Variants in ADI1 observed in about 807,000 individuals in gnomAD.
ADI1 encodes the protein acireductone dioxygenase.
A neutral mutation model predicts 18.7 loss-of-function variants in ADI1; 21 were observed. The observed-to-expected ratio is 1.13, with a 90% CI of 0.80 to 1.62. The LOEUF (loss-of-function observed/expected upper bound fraction) is 1.62. Among genes scored for constraint, ADI1 ranks in the 40% most tolerant of loss-of-function variants. The probability of loss-of-function intolerance (pLI) is 0.00; values close to 1 mark genes in which losing one functional copy is unlikely to be tolerated. For missense variants in ADI1, 245 were observed against 254.9 expected (o/e 0.96, Z 0.26); for synonymous variants, 90 against 100.1 (o/e 0.90, Z 0.60).
chr2:3,504,995 T>G (rs528417461), intron 2 of ADI1, among the ~76,000 whole-genome samples: 60 of 152,182 alleles, frequency 3.9e-4, no homozygotes, highest in African/African-American at 1.4e-3. Context: ...TGTTCACCTG[T>G]GTATGTTTGT....
At chr2:3,503,947 C>T (rs1450008907) in intron 2 of ADI1, among the ~76,000 whole-genome samples, 1 of 152,152 alleles carries the variant, frequency 6.6e-6, no homozygotes. Context: ...AACCAACCCC[C>T]GGGTGAGCGC....
rs12714381 is a variant in ADI1 at position 3,503,424 on chromosome 2, C to T, written c.241-2431G>A. ...TCACACACATGCACACGTACACACA[C>T]GAGTGCATTCACACTCATGCACACA... On this transcript the variant is annotated intron_variant, in intron 2 of 3. Coordinates refer to ENST00000327435, the MANE Select transcript of ADI1 (RefSeq NM_018269.4). Among the ~76,000 whole-genome samples the T allele has an allele frequency of 0.014, 658 of 46,862 alleles. 297 individuals are homozygous for T. The African/African-American group carries it at 0.26, about 18-fold the overall frequency. The allele number at this position is 46,862 out of a possible 152,430, so 30.7% of individuals were successfully genotyped here.
rs1205837813 is a variant in ADI1 at position 3,498,335 on chromosome 2, A to G, written c.*628T>C. On this transcript the variant is annotated 3_prime_UTR_variant, in exon 4 of 4. Transcript: ENST00000327435. ...CACTGAAAAAATACTAACACAGCTC[A>G]TATATAAATTACTTATCTATAAGAA... The G allele has an allele frequency of 6.6e-6, 1 of 152,262 alleles. No individual in the cohort carries two copies. The highest frequency in any genetic ancestry group is 1.5e-5 in the Non-Finnish European group (1 of 68,056). 9.4% of individuals were successfully genotyped at this position (152,262 alleles called of 1,614,324 possible). A position where few individuals can be genotyped will look rare whatever the true frequency, so the allele number is the denominator to read the frequency against.
chr2:3,519,274 A>G lies in ADI1; in HGVS notation c.120+94T>C, dbSNP rs544257618. 182 of 1,306,256 alleles carry G rather than the reference A, an allele frequency of 1.4e-4. 1 individual carries two copies. The East Asian group carries it at 5.4e-3, about 39-fold the overall frequency. The allele number at this position is 1,306,256 out of a possible 1,614,324, so 80.9% of individuals were successfully genotyped here. On this transcript the variant is annotated intron_variant, in intron 1 of 3. Coordinates refer to ENST00000327435, the MANE Select transcript of ADI1 (RefSeq NM_018269.4). ...GCATGCGCAGCATGCCGCGGCTCCC[A>G]GGCCGCTGCCCGGCACCTGGAGGAG...
rs1054239829 is a variant in ADI1 at position 3,514,891 on chromosome 2, T to C, written c.121-915A>G. The stretch of plus-strand genomic sequence containing the variant: ...GAGCCATGGCAGAGGAACATAAGTT[T>C]TGAAGATTTCACGGACATCTATCAG... On this transcript the variant is annotated intron_variant, in intron 1 of 3. Transcript: ENST00000327435. 8 of 1,540,006 alleles carry C rather than the reference T, an allele frequency of 5.2e-6. No homozygotes were observed. The Admixed American group carries it at 1.2e-4, about 23-fold the overall frequency.
At chr2:3,510,505 T>TA (rs1464426205) in intron 2 of ADI1, among the ~76,000 whole-genome samples, 2 of 152,180 alleles carry the variant, frequency 1.3e-5, no homozygotes, top group Admixed American at 6.5e-5. Context: ...CAATGAAACC[T>TA]AAAGTTTTTT....
chr2:3,512,551 G>A (rs1667314009), intron 2 of ADI1, among the ~76,000 whole-genome samples: 1 of 152,244 alleles, frequency 6.6e-6, no homozygotes, highest in Non-Finnish European at 1.5e-5. Context: ...GCTCCAGAGG[G>A]TGCAAGCCAT....
intron 2 of ADI1, among the ~76,000 whole-genome samples, chr2:3,512,054 A>C (rs1303155188): frequency 6.6e-6 from 1 of 152,260 alleles, no homozygotes; most frequent in Non-Finnish European, 1.5e-5. Flanking sequence ...ATGCAAGGGC[A>C]AAGGAATGAC....
chr2:3,499,137 TA>T, intron 3 of ADI1, 55 bp from the exon 4 acceptor site: 2 of 1,539,478 alleles, frequency 1.3e-6, no homozygotes, highest in East Asian at 2.3e-5. Flanking sequence ...GCCTTCTACT[TA>T]GTATTTATTA....
At chr2:3,500,715 C>T (rs559883555) in intron 3 of ADI1, 99 bp downstream of exon 3, 15 of 1,525,596 alleles carry the variant, frequency 9.8e-6, no homozygotes, top group East Asian at 4.6e-5. Context: ...CCAGCGACCG[C>T]GCTTGGAGTC....
Position 3,500,847 on chromosome 2 carries a change from C to G in ADI1, c.387G>C (p.Ala129=). 1.9e-6 allele frequency: 3 copies of G among 1,614,238 alleles called. No individual in the cohort carries two copies. The highest frequency in any genetic ancestry group is 4.5e-5 in the East Asian group (2 of 44,870). Residue 129 remains alanine (A), a synonymous_variant, in exon 3 of 4, where the codon GCG becomes GCC. Transcript: ENST00000327435. ...MEKGDMVTLP[A]GIYHRFTVDE... is the part of the protein sequence containing the mutation. ...CCACCGTGAAGCGGTGATAGATCCC[C>G]GCGGGGAGCGTCACCATGTCTCCCT...
chr2:3,514,550 C>T (rs542214270), intron 1 of ADI1, among the ~76,000 whole-genome samples: 1 of 152,214 alleles, frequency 6.6e-6, no homozygotes, highest in Admixed American at 6.5e-5. Flanking sequence ...GATCGGCTAT[C>T]TTAAAAATAT....
intron 1 of ADI1, chr2:3,514,671 T>A (rs1667360964): frequency 8.8e-7 from 1 of 1,140,098 alleles, no homozygotes; most frequent in Non-Finnish European, 1.2e-6. Flanking sequence ...TCAGTTTTAC[T>A]GTTCCTTCCT....
intron 2 of ADI1, among the ~76,000 whole-genome samples, chr2:3,509,178 T>C (rs972376258): frequency 1.3e-5 from 2 of 152,134 alleles, no homozygotes; most frequent in Non-Finnish European, 2.9e-5. Flanking sequence ...CATCAAAATA[T>C]GTGAGGCTAA....
At position 3,502,638 on chromosome 2, in the gene ADI1, C is replaced by T. The variant is rs189532321; in HGVS notation, c.241-1645G>A. On this transcript the variant is annotated intron_variant, in intron 2 of 3. Coordinates refer to ENST00000327435, the MANE Select transcript of ADI1 (RefSeq NM_018269.4). ...GCTAATTTTATATTTTTAGTAGAGACGGGGTTTCTCCATGTTGGTCAGGCT... is the reference window on the plus strand; with the variant it reads ...GCTAATTTTATATTTTTAGTAGAGATGGGGTTTCTCCATGTTGGTCAGGCT... Among the ~76,000 whole-genome samples, 326 of 152,088 alleles carry T rather than the reference C, an allele frequency of 2.1e-3. 4 individuals carry two copies. The Middle Eastern group carries it at 0.054, about 25-fold the overall frequency.
chr2:3,514,721 T>C, intron 1 of ADI1: 2 of 1,492,916 alleles, frequency 1.3e-6, no homozygotes, highest in Non-Finnish European at 1.8e-6. Context: ...GCAGAATTCA[T>C]CTGAACTCTT....
Position 3,519,157 on chromosome 2 carries a change from A to G in ADI1, c.120+211T>C, listed in dbSNP as rs924467364. 1.2e-5 allele frequency: 7 copies of G among 565,378 alleles called. No individual in the cohort carries two copies. In the African/African-American group the frequency reaches 1.4e-4, roughly 12 times the overall value. 35.0% of individuals were successfully genotyped at this position (565,378 alleles called of 1,614,324 possible). ...TGCGCAGCACACCCAGGCGCCGCGC[A>G]GGAGGCCCTGACCACCCAGCCCCAC... is the stretch of plus-strand genomic sequence containing the variant. On this transcript the variant is annotated intron_variant, in intron 1 of 3. Transcript: ENST00000327435.
intron 3 of ADI1, among the ~76,000 whole-genome samples, chr2:3,499,498 C>T (rs10204409): frequency 0.3 from 45,574 of 152,144 alleles, 9,857 homozygotes; most frequent in African/African-American, 0.61. Context: ...CAGCCACATC[C>T]GTCCAGACTA....
chr2:3,500,486 A>T, intron 3 of ADI1: 3 of 468,838 alleles, frequency 6.4e-6, no homozygotes, highest in Non-Finnish European at 1.2e-5. Flanking sequence ...CTCACCGCCA[A>T]GCAAGGGCTG....
Sources: gnomAD v4.1 joint callset for allele counts (sites outside exome capture counted in the v4.1 genomes callset) on GRCh38, gnomAD v4.1.1 for gene constraint, MANE v1.5 for transcripts, NCBI Gene and HGNC (gene_info 2026-07-23, HGNC 2026-07-21) for gene names.